The following SUPT3H variants were observed in gnomAD, a reference collection of about 807,000 sequenced individuals.
SUPT3H encodes the protein transcription initiation protein SPT3 homolog.
A neutral mutation model predicts 44.3 loss-of-function variants in SUPT3H; 44 were observed. The ratio of observed to expected loss-of-function variants is 0.99; its 90% CI spans 0.78 to 1.28. The LOEUF is 1.28. Among genes scored for constraint, SUPT3H ranks in the 50% most tolerant of loss-of-function variants. The pLI is 0.00. For missense variants in SUPT3H, 380 were observed against 387.1 expected (o/e 0.98, Z 0.15); for synonymous variants, 124 against 125.6 (o/e 0.99, Z 0.09).
At chr6:45,214,015 CAAAAAAAAAAA>C (rs11418358) in intron 2 of SUPT3H, among the ~76,000 whole-genome samples, 1 of 74,120 alleles carries the variant, frequency 1.3e-5, no homozygotes, top group Admixed American at 1.8e-4. Context: ...TTTTGAAATG[CAAAAAAAAAAA>C]AAAAAAAAAC....
chr6:45,304,552 T>C (rs1375335287), intron 2 of SUPT3H, among the ~76,000 whole-genome samples: 1 of 152,210 alleles, frequency 6.6e-6, no homozygotes, highest in Admixed American at 6.5e-5. Context: ...GCAGAAGTTA[T>C]TTCAAAGCTA....
intron 10 of SUPT3H, among the ~76,000 whole-genome samples, chr6:44,863,201 C>T (rs186734550): frequency 6.6e-6 from 1 of 152,310 alleles, no homozygotes; most frequent in Admixed American, 6.5e-5. Context: ...ACTTACCAGT[C>T]ACTCTTCTAG....
intron 3 of SUPT3H, among the ~76,000 whole-genome samples, chr6:45,031,136 G>A (rs1365938043): frequency 2.0e-5 from 3 of 152,016 alleles, no homozygotes; most frequent in Non-Finnish European, 4.4e-5. Context: ...CTAGCCTGAC[G>A]TAAATGTTAT....
chr6:45,246,475 T>C (rs1771364649), intron 2 of SUPT3H, among the ~76,000 whole-genome samples: 2 of 152,120 alleles, frequency 1.3e-5, no homozygotes, highest in African/African-American at 4.8e-5. Flanking sequence ...GAGTGCAACT[T>C]TGCACTAAGT....
At chr6:44,920,565 C>CAAA (rs5875898) in intron 10 of SUPT3H, among the ~76,000 whole-genome samples, 1 of 113,464 alleles carries the variant, frequency 8.8e-6, no homozygotes, top group African/African-American at 3.4e-5. Context: ...TTGTTTCTTT[C>CAAA]AAAAAAAAAA....
chr6:45,151,085 T>C (rs1583854870), intron 2 of SUPT3H, among the ~76,000 whole-genome samples: 1 of 152,188 alleles, frequency 6.6e-6, no homozygotes. Context: ...AGTTAACTTC[T>C]TGAAATCCAA....
chr6:45,106,944 T>A (rs966297918), intron 2 of SUPT3H, among the ~76,000 whole-genome samples: 1 of 152,180 alleles, frequency 6.6e-6, no homozygotes, highest in African/African-American at 2.4e-5. Context: ...CAATTACCAA[T>A]GTAAGAGCCA....
At chr6:44,881,804 T>G (rs1320053415) in intron 10 of SUPT3H, among the ~76,000 whole-genome samples, 3 of 152,044 alleles carry the variant, frequency 2.0e-5, no homozygotes, top group African/African-American at 7.2e-5. Flanking sequence ...ATAATAAAAT[T>G]AAGGCAGAAG....
At chr6:45,032,629 T>G (rs1454512885) in intron 3 of SUPT3H, among the ~76,000 whole-genome samples, 1 of 152,148 alleles carries the variant, frequency 6.6e-6, no homozygotes, top group Non-Finnish European at 1.5e-5. Flanking sequence ...GCAACACTCA[T>G]ACAGTTACAT....
At chr6:45,285,487 T>C (rs1441170963) in intron 2 of SUPT3H, among the ~76,000 whole-genome samples, 2 of 152,014 alleles carry the variant, frequency 1.3e-5, no homozygotes, top group Non-Finnish European at 1.5e-5. Context: ...TGAACTCCCA[T>C]TCACAATTGC....
chr6:44,923,660 C>T (rs1769077107), intron 10 of SUPT3H, among the ~76,000 whole-genome samples: 1 of 151,878 alleles, frequency 6.6e-6, no homozygotes, highest in South Asian at 2.1e-4. Context: ...CTGTATACCA[C>T]AGAGACAAAC....
At chr6:45,198,725 C>T (rs1344665038) in intron 2 of SUPT3H, among the ~76,000 whole-genome samples, 1 of 14,354 alleles carries the variant, frequency 7.0e-5, no homozygotes, top group Non-Finnish European at 1.6e-4. Flanking sequence ...GACTAAGCTG[C>T]TATATCTTTC....
intron 2 of SUPT3H, among the ~76,000 whole-genome samples, chr6:45,125,904 A>G (rs1802364585): frequency 1.3e-5 from 2 of 152,176 alleles, no homozygotes; most frequent in African/African-American, 2.4e-5. Context: ...CTTTACACTA[A>G]AAGTTTCCAT....
At chr6:45,089,597 T>C (rs1796888470) in intron 3 of SUPT3H, among the ~76,000 whole-genome samples, 2 of 152,044 alleles carry the variant, frequency 1.3e-5, no homozygotes, top group African/African-American at 2.4e-5. Flanking sequence ...TTAGGAAATA[T>C]CTCTGACTTG....
chr6:44,896,324 A>G (rs970467051), intron 10 of SUPT3H, among the ~76,000 whole-genome samples: 3 of 152,178 alleles, frequency 2.0e-5, no homozygotes, highest in Non-Finnish European at 4.4e-5. Flanking sequence ...CATTATTAAC[A>G]CTTAGGGTCC....
chr6:45,087,484 TAA>T (rs1796615687), intron 3 of SUPT3H, among the ~76,000 whole-genome samples: 1 of 151,850 alleles, frequency 6.6e-6, no homozygotes, highest in Non-Finnish European at 1.5e-5. Flanking sequence ...ATATTTCAGA[TAA>T]AGAGTTTTCT....
At chr6:44,978,366 T>C (rs181387313) in intron 6 of SUPT3H, among the ~76,000 whole-genome samples, 103 of 152,286 alleles carry the variant, frequency 6.8e-4, no homozygotes, top group African/African-American at 2.4e-3. Flanking sequence ...TCCAGGTTAG[T>C]AACATACCTT....
intron 2 of SUPT3H, among the ~76,000 whole-genome samples, chr6:45,275,846 C>T (rs1158761572): frequency 6.6e-6 from 1 of 151,992 alleles, no homozygotes; most frequent in Non-Finnish European, 1.5e-5. Context: ...CTGAATAATA[C>T]ATTTATCTAG....
At chr6:45,286,569 G>A (rs919569161) in intron 2 of SUPT3H, among the ~76,000 whole-genome samples, 6 of 152,082 alleles carry the variant, frequency 3.9e-5, no homozygotes, top group South Asian at 2.1e-4. Flanking sequence ...TTAGAATGGC[G>A]ATCATTAAAA....
Sources: gnomAD v4.1 joint callset for allele counts (sites outside exome capture counted in the v4.1 genomes callset) on GRCh38, gnomAD v4.1.1 for gene constraint, MANE v1.5 for transcripts, NCBI Gene and HGNC (gene_info 2026-07-23, HGNC 2026-07-21) for gene names.